Variants in CHST9 observed in about 807,000 individuals in gnomAD.
CHST9 encodes GalNAc-4-sulfotransferase 2.
In CHST9, 41 loss-of-function variants were observed where a neutral mutation model predicts 44.4. The observed-to-expected ratio is 0.92, with a 90% CI of 0.72 to 1.20. The LOEUF is 1.20. Ranked by LOEUF, CHST9 falls within the 50% of genes most tolerant of loss-of-function variation. The pLI is 0.00. For synonymous variants in CHST9, 171 were observed against 178.4 expected (o/e 0.96, Z 0.33); for missense variants, 504 against 516.5 (o/e 0.98, Z 0.23).
At chr18:27,003,270 T>G (rs963043627) in intron 4 of CHST9, among the ~76,000 whole-genome samples, 6 of 152,138 alleles carry the variant, frequency 3.9e-5, no homozygotes, top group African/African-American at 1.4e-4. Context: ...GACTTTCCCA[T>G]GACCACATGG....
chr18:27,004,111 A>G (rs145408148), intron 4 of CHST9, among the ~76,000 whole-genome samples: 1 of 152,242 alleles, frequency 6.6e-6, no homozygotes, highest in African/African-American at 2.4e-5. Context: ...ACCTAATGAA[A>G]GCAGAGAAGA....
At chr18:27,106,260 C>T (rs1376432059) in intron 2 of CHST9, among the ~76,000 whole-genome samples, 1 of 151,980 alleles carries the variant, frequency 6.6e-6, no homozygotes, top group Admixed American at 6.6e-5. Context: ...AAAGACAGTC[C>T]CATGCTGTGT....
chr18:27,175,347 C>A (rs2058860096), intron 1 of CHST9, among the ~76,000 whole-genome samples: 2 of 151,924 alleles, frequency 1.3e-5, no homozygotes, highest in Non-Finnish European at 2.9e-5. Context: ...AGCATAAAAC[C>A]CCCATAAAGT....
chr18:26,955,585 G>A (rs2056311604), intron 4 of CHST9, among the ~76,000 whole-genome samples: 2 of 152,140 alleles, frequency 1.3e-5, no homozygotes, highest in Admixed American at 1.3e-4. Context: ...CCAGGCACTG[G>A]AGAAGAACCC....
chr18:27,169,598 CTTTTTTTT>C (rs1156859087), intron 1 of CHST9, among the ~76,000 whole-genome samples: 10 of 82,190 alleles, frequency 1.2e-4, no homozygotes, highest in South Asian at 5.7e-4. Context: ...ATATATTCTT[CTTTTTTTT>C]TTTTTTTTTT....
At chr18:27,183,120 G>C (rs554071399) in intron 1 of CHST9, among the ~76,000 whole-genome samples, 1 of 151,080 alleles carries the variant, frequency 6.6e-6, no homozygotes, top group East Asian at 2.0e-4. Context: ...AAAAAGGTGG[G>C]GGGTGGGGGG....
intron 2 of CHST9, among the ~76,000 whole-genome samples, chr18:27,126,547 A>C (rs1371171386): frequency 2.6e-5 from 4 of 152,138 alleles, no homozygotes; most frequent in Admixed American, 2.6e-4. Flanking sequence ...GGGTTGAGAG[A>C]TCTGATGGTC....
chr18:27,052,269 T>C (rs9952362), intron 2 of CHST9, among the ~76,000 whole-genome samples: 4,783 of 127,330 alleles, frequency 0.038, 212 homozygotes, highest in African/African-American at 0.1. Flanking sequence ...TATATATGTG[T>C]ATATATATGT....
intron 5 of CHST9, among the ~76,000 whole-genome samples, chr18:26,922,645 A>ATTTC (rs1438993442): frequency 2.0e-5 from 3 of 151,776 alleles, no homozygotes; most frequent in African/African-American, 7.2e-5. Context: ...TTATTTATTT[A>ATTTC]TTTATTTTGA....
chr18:27,074,180 C>T (rs1041218973), intron 2 of CHST9, among the ~76,000 whole-genome samples: 2 of 152,160 alleles, frequency 1.3e-5, no homozygotes, highest in African/African-American at 4.8e-5. Flanking sequence ...CCTTAAGTTA[C>T]AAAGCGTGGA....
At chr18:27,032,338 C>T (rs139480364) in intron 3 of CHST9, among the ~76,000 whole-genome samples, 4 of 152,300 alleles carry the variant, frequency 2.6e-5, no homozygotes, top group African/African-American at 7.2e-5. Flanking sequence ...CAGAGACATA[C>T]ACCTTCCTTC....
intron 2 of CHST9, among the ~76,000 whole-genome samples, chr18:27,079,056 C>G (rs1001135727): frequency 1.3e-5 from 2 of 152,150 alleles, no homozygotes; most frequent in Non-Finnish European, 2.9e-5. Flanking sequence ...TTGTCTCCAT[C>G]ATCAGCTTGT....
intron 2 of CHST9, among the ~76,000 whole-genome samples, chr18:27,074,940 C>T (rs1002899356): frequency 2.0e-5 from 3 of 148,402 alleles, no homozygotes; most frequent in Non-Finnish European, 4.5e-5. Context: ...TAAGATTTAA[C>T]ATCTATAGTA....
chr18:27,143,393 T>C (rs1229744677), intron 1 of CHST9, among the ~76,000 whole-genome samples: 5 of 152,128 alleles, frequency 3.3e-5, no homozygotes, highest in South Asian at 2.1e-4. Flanking sequence ...AAAGAGCACA[T>C]TTAAAATCCT....
chr18:27,184,967 T>C (rs1020061930), intron 1 of CHST9, among the ~76,000 whole-genome samples, 169 bp downstream of exon 1: 1 of 151,440 alleles, frequency 6.6e-6, no homozygotes, highest in African/African-American at 2.4e-5. Flanking sequence ...GTAGGGGAGA[T>C]AGAAAAAGGA....
intron 1 of CHST9, among the ~76,000 whole-genome samples, chr18:27,152,896 T>C (rs2058669852): frequency 6.6e-6 from 1 of 152,054 alleles, no homozygotes; most frequent in East Asian, 1.9e-4. Flanking sequence ...TAACTATGGA[T>C]TGGGTAAGTC....
At chr18:27,068,184 G>C (rs1018781443) in intron 2 of CHST9, among the ~76,000 whole-genome samples, 3 of 152,116 alleles carry the variant, frequency 2.0e-5, no homozygotes, top group African/African-American at 7.2e-5. Flanking sequence ...AACTATGATT[G>C]CTCCTCTGTC....
intron 1 of CHST9, among the ~76,000 whole-genome samples, chr18:27,148,015 C>T (rs576491834): frequency 6.6e-6 from 1 of 152,188 alleles, no homozygotes; most frequent in African/African-American, 2.4e-5. Flanking sequence ...TCCATCCTCC[C>T]AAATTCCACC....
rs1357334313 is a variant in CHST9 at position 26,917,201 on chromosome 18, C to T, written c.390G>A (p.Glu130=). 6.2e-7 allele frequency: 1 copy of T among 1,613,900 alleles called. No homozygotes were observed. The highest frequency in any genetic ancestry group is 8.5e-7 in the Non-Finnish European group (1 of 1,179,838). Residue 130 remains glutamate (E), a synonymous_variant, in exon 6 of 6, where the codon GAG becomes GAA. Coordinates refer to ENST00000618847, the MANE Select transcript of CHST9 (RefSeq NM_031422.6). ...ALSKSTGSPT[E]KLIEKRQGAK... ...CTCCTTGACGTTTTTCAATCAACTTCTCTGTTGGTGACCCTGTGGACTTAC... is the reference window on the plus strand; with the variant it reads ...CTCCTTGACGTTTTTCAATCAACTTTTCTGTTGGTGACCCTGTGGACTTAC...
Sources: gnomAD v4.1 joint callset for allele counts (sites outside exome capture counted in the v4.1 genomes callset) on GRCh38, gnomAD v4.1.1 for gene constraint, MANE v1.5 for transcripts, NCBI Gene and HGNC (gene_info 2026-07-23, HGNC 2026-07-21) for gene names.